Variants in AADAT observed in about 807,000 individuals in gnomAD.
AADAT encodes kynurenine/alpha-aminoadipate aminotransferase, mitochondrial.
In AADAT, 25 loss-of-function variants were observed where a neutral mutation model predicts 56.2. The observed-to-expected ratio is 0.44, with a 90% CI of 0.32 to 0.62. The LOEUF is 0.62. AADAT is among the 20% of genes least tolerant of loss of function. The pLI is 0.04. For missense variants in AADAT, 387 were observed against 510.5 expected, an observed-to-expected ratio of 0.76 and a Z score of 2.33; for synonymous variants, 173 against 164.7, an observed-to-expected ratio of 1.05 and a Z score of -0.39.
At chr4:170,068,408 GTTTAC>G (rs1174660159) in intron 8 of AADAT, among the ~76,000 whole-genome samples, 178 bp downstream of exon 8, 4 of 151,994 alleles carry the variant, frequency 2.6e-5, no homozygotes, top group African/African-American at 7.2e-5. Flanking sequence ...CTTAAATTAA[GTTTAC>G]TTTATTTTAA....
Position 170,073,357 on chromosome 4 carries a change from A to C in AADAT, c.445-12T>G, listed in dbSNP as rs749119622. 3.7e-6 allele frequency: 6 copies of C among 1,610,372 alleles called. No individual in the cohort carries two copies. The highest frequency in any genetic ancestry group is 5.1e-6 in the Non-Finnish European group (6 of 1,178,418). ...CCCAGTGGGTGCAGCTGTTGAGCAC[A>C]AAAGAAAGCCTGAGTCAGTCATGAT... On this transcript the variant is annotated splice_polypyrimidine_tract_variant and intron_variant, in intron 4 of 12. Transcript: ENST00000337664.
In AADAT at chr4:170,066,405, T is replaced by C. The variant is rs1195119865; in HGVS notation, c.1027+9A>G. The C allele has an allele frequency of 2.5e-6, 4 of 1,612,404 alleles. No homozygotes were observed. Among genetic ancestry groups the C allele is most frequent in the Non-Finnish European group, 3.4e-6 (4 of 1,178,570 alleles). On this transcript the variant is annotated intron_variant, in intron 10 of 12. Transcript: ENST00000337664. ...GTTTATCATGAGGACGAATATACGTTCCACTCACCAGTTAACCACTTGTCT... is the reference window on the plus strand; with the variant it reads ...GTTTATCATGAGGACGAATATACGTCCCACTCACCAGTTAACCACTTGTCT...
At chr4:170,071,783 A>G (rs781589571) in intron 5 of AADAT, among the ~76,000 whole-genome samples, 6 of 152,142 alleles carry the variant, frequency 3.9e-5, no homozygotes, top group Non-Finnish European at 7.3e-5. Context: ...ATGACAACAG[A>G]GAAAAATGGA....
intron 8 of AADAT, among the ~76,000 whole-genome samples, chr4:170,068,011 T>C (rs988798453): frequency 8.6e-5 from 13 of 151,744 alleles, no homozygotes; most frequent in African/African-American, 3.1e-4. Context: ...TAGTGACGTG[T>C]GCCTGTAATC....
intron 3 of AADAT, among the ~76,000 whole-genome samples, chr4:170,080,681 G>A (rs1363777752): frequency 6.6e-6 from 1 of 152,070 alleles, no homozygotes; most frequent in Non-Finnish European, 1.5e-5. Context: ...AAATCCTTTG[G>A]GACCTCCCTG....
chr4:170,091,123 TC>T (rs1381452484), upstream of AADAT, among the ~76,000 whole-genome samples: 1 of 152,220 alleles, frequency 6.6e-6, no homozygotes, highest in African/African-American at 2.4e-5. Flanking sequence ...CAGCGCTCAC[TC>T]TGACCGCGCT....
chr4:170,074,762 A>T (rs971050438), intron 4 of AADAT, among the ~76,000 whole-genome samples: 2 of 152,102 alleles, frequency 1.3e-5, no homozygotes, highest in African/African-American at 4.8e-5. Context: ...AGTACAGTAG[A>T]ATTTCCATAT....
chr4:170,072,389 C>A (rs1364194218), intron 5 of AADAT, among the ~76,000 whole-genome samples: 1 of 152,060 alleles, frequency 6.6e-6, no homozygotes, highest in Non-Finnish European at 1.5e-5. Flanking sequence ...CCCACCTCAG[C>A]CTTCCAAAGT....
intron 5 of AADAT, among the ~76,000 whole-genome samples, chr4:170,070,976 G>A (rs535356080): frequency 2.0e-5 from 3 of 152,254 alleles, no homozygotes; most frequent in East Asian, 3.9e-4. Flanking sequence ...GCAGTGGCGC[G>A]ATCTTGGCTC....
At chr4:170,069,429 G>C (rs933516864) in intron 6 of AADAT, among the ~76,000 whole-genome samples, 199 bp from the exon 7 acceptor site, 1 of 152,070 alleles carries the variant, frequency 6.6e-6, no homozygotes, top group African/African-American at 2.4e-5. Context: ...TGTCTTCATG[G>C]CTTTTCTGCC....
intron 10 of AADAT, among the ~76,000 whole-genome samples, chr4:170,066,090 T>C (rs1304214448): frequency 1.3e-5 from 2 of 152,150 alleles, no homozygotes; most frequent in African/African-American, 4.8e-5. Context: ...TTTGACAATT[T>C]TACCCTTTGG....
At chr4:170,065,415 TTAAAAA>T (rs1043821778) in intron 10 of AADAT, among the ~76,000 whole-genome samples, 2 of 152,260 alleles carry the variant, frequency 1.3e-5, no homozygotes, top group African/African-American at 4.8e-5. Context: ...TACTATCTTT[TTAAAAA>T]AAGAACTTGC....
At position 170,081,237 on chromosome 4, in the gene AADAT, T is replaced by G. The variant is rs114451089; in HGVS notation, c.370-2654A>C. ...CAGCAGAAGGAAAAATAGGTAAGCT[T>G]GAAGATTGGCTACGTGAAAATACAG... On this transcript the variant is annotated intron_variant, in intron 3 of 12. Coordinates refer to ENST00000337664, the MANE Select transcript of AADAT (RefSeq NM_016228.4). 4.2e-3 allele frequency among the ~76,000 whole-genome samples: 637 copies of G among 152,086 alleles called. 6 individuals are homozygous for G. The highest frequency in any genetic ancestry group is 0.014 in the African/African-American group (600 of 41,488).
intron 12 of AADAT, among the ~76,000 whole-genome samples, chr4:170,061,324 C>T (rs1166288329): frequency 1.3e-5 from 2 of 152,102 alleles, no homozygotes; most frequent in African/African-American, 4.8e-5. Context: ...AACAGAGAGA[C>T]CTTATGAAAA....
At chr4:170,080,537 G>A (rs1318827118) in intron 3 of AADAT, among the ~76,000 whole-genome samples, 1 of 152,136 alleles carries the variant, frequency 6.6e-6, no homozygotes, top group Non-Finnish European at 1.5e-5. Flanking sequence ...CCCAAGCCCT[G>A]GAAACTCTGC....
chr4:170,076,630 G>C (rs1363697230), intron 4 of AADAT, among the ~76,000 whole-genome samples: 1 of 152,062 alleles, frequency 6.6e-6, no homozygotes, highest in Non-Finnish European at 1.5e-5. Flanking sequence ...AGGTTTATCA[G>C]ATATATTATG....
At chr4:170,061,563 T>C (rs1183490511) in intron 12 of AADAT, among the ~76,000 whole-genome samples, 1 of 152,224 alleles carries the variant, frequency 6.6e-6, no homozygotes, top group Non-Finnish European at 1.5e-5. Context: ...GTGACAGCCA[T>C]CATGAATTTG....
intron 3 of AADAT, among the ~76,000 whole-genome samples, chr4:170,083,285 T>C (rs964627336): frequency 2.0e-5 from 3 of 151,956 alleles, no homozygotes; most frequent in Non-Finnish European, 4.4e-5. Flanking sequence ...TGCTCCTGAA[T>C]GGGTCAATGA....
chr4:170,072,705 G>C (rs1309099647), intron 5 of AADAT, among the ~76,000 whole-genome samples: 1 of 152,140 alleles, frequency 6.6e-6, no homozygotes. Context: ...GAAAAGCTAG[G>C]CATCATCGGT....
Sources: allele counts gnomAD v4.1 joint callset (sites outside exome capture counted in the v4.1 genomes callset), GRCh38; gene constraint gnomAD v4.1.1; transcripts MANE v1.5; gene names NCBI Gene and HGNC (gene_info 2026-07-23, HGNC 2026-07-21).